The following SLC27A2 variants were observed in gnomAD, a reference collection of about 807,000 sequenced individuals.
The protein encoded by SLC27A2 is long-chain fatty acid transport protein 2.
Under a neutral mutation model 60.0 loss-of-function variants are expected in SLC27A2, and 54 were observed. The observed-to-expected ratio is 0.90, with a 90% CI of 0.72 to 1.13. The LOEUF (loss-of-function observed/expected upper bound fraction) is 1.13, where lower values mean the gene tolerates loss of function less well. Ranked by LOEUF, SLC27A2 falls within the 50% of genes most tolerant of loss-of-function variation. The probability of loss-of-function intolerance (pLI) is 0.00; values close to 1 mark genes in which losing one functional copy is unlikely to be tolerated. For synonymous variants in SLC27A2, 297 were observed against 297.6 expected, an observed-to-expected ratio of 1.00 and a Z score of 0.02; for missense variants, 739 against 777.6, an observed-to-expected ratio of 0.95 and a Z score of 0.59.
chr15:50,234,175 G>A (rs2045334040), intron 9 of SLC27A2, among the ~76,000 whole-genome samples, 177 bp downstream of exon 9: 1 of 152,214 alleles, frequency 6.6e-6, no homozygotes, highest in Admixed American at 6.5e-5. Flanking sequence ...GCTGGGTGCG[G>A]TGGCTCATGC....
intron 4 of SLC27A2, among the ~76,000 whole-genome samples, chr15:50,207,794 A>G (rs540344464): frequency 1.6e-4 from 25 of 151,702 alleles, no homozygotes; most frequent in African/African-American, 5.1e-4. Flanking sequence ...TGTCTCAAAA[A>G]AAAAAAAAAA....
At chr15:50,214,224 A>G (rs767685749) in intron 4 of SLC27A2, among the ~76,000 whole-genome samples, 1 of 152,180 alleles carries the variant, frequency 6.6e-6, no homozygotes, top group Non-Finnish European at 1.5e-5. Context: ...AGCTAGATAC[A>G]TTCCTGGAAA....
At chr15:50,204,875 G>T (rs1048879679) in intron 3 of SLC27A2, among the ~76,000 whole-genome samples, 1 of 147,564 alleles carries the variant, frequency 6.8e-6, no homozygotes, top group African/African-American at 2.5e-5. Flanking sequence ...ATATACTTGA[G>T]ACAGAGTCTC....
At position 50,182,630 on chromosome 15, in the gene SLC27A2, A is replaced by T. The variant is rs1309131180; in HGVS notation, c.203A>T (p.His68Leu). 6 of 1,613,970 alleles carry T rather than the reference A, an allele frequency of 3.7e-6. No individual in the cohort carries two copies. The South Asian group carries it at 6.6e-5, about 18-fold the overall frequency. Reference sequence around the variant, plus strand: ...CTGGAGAAAGCGCGCCAGACGCCACACAAGCCTTTTCTGCTCTTCCGCGAC... The same window carrying T: ...CTGGAGAAAGCGCGCCAGACGCCACTCAAGCCTTTTCTGCTCTTCCGCGAC... ...AFLEKARQTP[H>L]KPFLLFRDET... Residue 68 changes from histidine (H) to leucine (L), a missense_variant, in exon 1 of 10, where the codon CAC becomes CTC. Coordinates refer to ENST00000267842, the MANE Select transcript of SLC27A2 (RefSeq NM_003645.4).
chr15:50,228,259 C>T (rs1216203383), intron 7 of SLC27A2, among the ~76,000 whole-genome samples: 4 of 151,726 alleles, frequency 2.6e-5, no homozygotes, highest in Admixed American at 2.6e-4. Context: ...CGCCTGTAGT[C>T]CCAGCTACTT....
chr15:50,182,344 C>A lies in SLC27A2; in HGVS notation c.-84C>A. On this transcript the variant is annotated 5_prime_UTR_variant, in exon 1 of 10. Coordinates refer to ENST00000267842, the MANE Select transcript of SLC27A2 (RefSeq NM_003645.4). ...GTGCGCCCCGGCGCAGCCCGCCAGT[C>A]CGCCCGGAGCCCGCCCAGTCGCCGC... The A allele has an allele frequency of 1.5e-6, 2 of 1,366,146 alleles. No homozygotes were observed. The highest frequency in any genetic ancestry group is 1.9e-6 in the Non-Finnish European group (2 of 1,060,352). 84.6% of individuals were successfully genotyped at this position (1,366,146 alleles called of 1,614,324 possible).
intron 6 of SLC27A2, among the ~76,000 whole-genome samples, chr15:50,226,723 T>C (rs1046423072): frequency 1.3e-5 from 2 of 152,104 alleles, no homozygotes; most frequent in Non-Finnish European, 1.5e-5. Context: ...CAGGGCAAGA[T>C]TCCATCTCAG....
rs1482204693 is a variant in SLC27A2 at position 50,229,074 on chromosome 15, A to G, written c.1555+32A>G. ...ACAAGATATGATCTGTACCTAACCC[A>G]TAGAGTAACTGAACATAATTTTGGC... On this transcript the variant is annotated intron_variant, in intron 8 of 9. Transcript: ENST00000267842. 22 of 1,426,804 alleles carry G rather than the reference A, an allele frequency of 1.5e-5. 1 individual carries two copies. In the Middle Eastern group the frequency reaches 5.3e-4, roughly 34 times the overall value. The allele number at this position is 1,426,804 out of a possible 1,614,324, so 88.4% of individuals were successfully genotyped here.
chr15:50,201,804 C>T (rs982367936), intron 2 of SLC27A2, among the ~76,000 whole-genome samples: 2 of 152,168 alleles, frequency 1.3e-5, no homozygotes, highest in African/African-American at 4.8e-5. Context: ...ATCCGCCCGC[C>T]TCAGCCTCCC....
chr15:50,188,226 C>T (rs1276445981), intron 1 of SLC27A2, among the ~76,000 whole-genome samples: 5 of 152,012 alleles, frequency 3.3e-5, no homozygotes, highest in Non-Finnish European at 7.4e-5. Flanking sequence ...TGAACAAATG[C>T]AGTGGGGGAG....
At position 50,230,346 on chromosome 15, in the gene SLC27A2, C is replaced by G. The variant is rs149887650; in HGVS notation, c.1555+1304C>G. Among the ~76,000 whole-genome samples the G allele has an allele frequency of 2.3e-3, 355 of 151,996 alleles. 1 individual carries two copies. Among genetic ancestry groups the G allele is most frequent in the African/African-American group, 8.3e-3 (345 of 41,430 alleles). On this transcript the variant is annotated intron_variant, in intron 8 of 9. Transcript: ENST00000267842. The stretch of plus-strand genomic sequence containing the variant: ...TCACTTGAGGTCAGGAGCTTGAGAC[C>G]AGCCTGGCCAACATGGCAAAACTTA...
In SLC27A2 at chr15:50,197,488, TATTAA is replaced by T. The variant is rs1336228892; in HGVS notation, c.479-6_479-2del. On this transcript the variant is annotated splice_region_variant and splice_polypyrimidine_tract_variant and intron_variant, in intron 1 of 9. Coordinates refer to ENST00000267842, the MANE Select transcript of SLC27A2 (RefSeq NM_003645.4). ...ATTTAGTTTGTTTTGATATTTTTCT[TATTAA>T]ATTAAGAACTACAAGCAGCTGTCGA... 3.1e-6 allele frequency: 5 copies of T among 1,599,530 alleles called. No individual in the cohort carries two copies. The highest frequency in any genetic ancestry group is 2.7e-5 in the African/African-American group (2 of 74,540).
chr15:50,186,424 GTTGTTTGT>G (rs144371898), intron 1 of SLC27A2, among the ~76,000 whole-genome samples: 91,710 of 150,616 alleles, frequency 0.61, 29,196 homozygotes, highest in East Asian at 0.8. Flanking sequence ...GTTTTTCATT[GTTGTTTGT>G]TTGTTTGTTT....
In SLC27A2 at chr15:50,227,111, G is replaced by C. The variant is rs2045284048; in HGVS notation, c.1390G>C (p.Gly464Arg). The C allele has an allele frequency of 5.6e-6, 9 of 1,613,832 alleles. No individual in the cohort carries two copies. Among genetic ancestry groups the C allele is most frequent in the Non-Finnish European group, 7.6e-6 (9 of 1,179,824 alleles). ...FKKGDLYFNSGDLLMVDHENF... is the reference protein window; with the variant it reads ...FKKGDLYFNSRDLLMVDHENF... Reference sequence around the variant, plus strand: ...GAAAGGAGACCTCTATTTCAACAGTGGAGATCTCTTAATGGTTGACCATGA... The same window carrying C: ...GAAAGGAGACCTCTATTTCAACAGTCGAGATCTCTTAATGGTTGACCATGA... Residue 464 changes from glycine to arginine, a missense_variant, in exon 7 of 10, where the codon GGA (glycine) becomes CGA (arginine). Physicochemically the swap from Gly to Arg is moderately radical, Grantham distance 125 (BLOSUM62 -2). Coordinates refer to ENST00000267842, the MANE Select transcript of SLC27A2 (RefSeq NM_003645.4).
At chr15:50,196,340 T>A (rs1018970663) in intron 1 of SLC27A2, among the ~76,000 whole-genome samples, 2 of 151,536 alleles carry the variant, frequency 1.3e-5, no homozygotes, top group African/African-American at 4.8e-5. Flanking sequence ...ACAAAACTTT[T>A]AAAAATGAAC....
chr15:50,214,904 C>A (rs2045183800), intron 4 of SLC27A2, among the ~76,000 whole-genome samples: 1 of 152,170 alleles, frequency 6.6e-6, no homozygotes, highest in Admixed American at 6.5e-5. Flanking sequence ...AGAACTGGAA[C>A]AAGACAAGGA....
At chr15:50,226,222 G>A in intron 6 of SLC27A2, 144 bp downstream of exon 6, 1 of 544,418 alleles carries the variant, frequency 1.8e-6, no homozygotes, top group South Asian at 3.1e-5. Context: ...CCAATATACA[G>A]GAATTCCAAA....
intron 4 of SLC27A2, among the ~76,000 whole-genome samples, chr15:50,210,805 G>T (rs1157680992): frequency 6.6e-6 from 1 of 152,224 alleles, no homozygotes; most frequent in South Asian, 2.1e-4. Context: ...GGGCACGGTG[G>T]GAGTGAGACC....
chr15:50,234,276 T>A (rs1316284713), intron 9 of SLC27A2, among the ~76,000 whole-genome samples: 1 of 152,110 alleles, frequency 6.6e-6, no homozygotes, highest in Non-Finnish European at 1.5e-5. Flanking sequence ...TGAGACTTCA[T>A]GTCTACTAAA....
Sources: gnomAD v4.1 joint callset for allele counts (sites outside exome capture counted in the v4.1 genomes callset) on GRCh38, gnomAD v4.1.1 for gene constraint, MANE v1.5 for transcripts, NCBI Gene and HGNC (gene_info 2026-07-23, HGNC 2026-07-21) for gene names.